WDFY4: variants seen among roughly 807,000 people sequenced by gnomAD.
WDFY4 encodes WDFY family member 4.
In WDFY4, 169 loss-of-function variants were observed where a neutral mutation model predicts 351.9. The observed-to-expected ratio is 0.48, with a 90% CI of 0.42 to 0.55. The LOEUF is 0.55. Among genes scored for constraint, WDFY4 ranks in the 20% least tolerant of loss-of-function variants. The pLI, the probability that WDFY4 is intolerant of heterozygous loss-of-function variation, is 0.00. For missense variants in WDFY4, 3,803 were observed against 3,935.6 expected (o/e 0.97, Z 0.90); for synonymous variants, 1,622 against 1,574.6 (o/e 1.03, Z -0.71).
At chr10:48,742,243 A>C (rs1421643752) in intron 11 of WDFY4, among the ~76,000 whole-genome samples, 2 of 152,190 alleles carry the variant, frequency 1.3e-5, no homozygotes, top group African/African-American at 4.8e-5. Context: ...CAGTGGCCTA[A>C]TTGCTTTCTG....
In WDFY4 at chr10:48,802,627, T is replaced by C. The variant is rs564525747; in HGVS notation, c.4411-659T>C. On this transcript the variant is annotated intron_variant, in intron 24 of 61. Transcript: ENST00000325239. ...ATCAATTCTGCCCCAGAAGGATCAC[T>C]AGCAGCTACATTTGTTTACTATGAA... 6.7e-4 allele frequency: 307 copies of C among 459,700 alleles called. 3 individuals carry two copies. The highest frequency in any genetic ancestry group is 4.7e-3 in the South Asian group (296 of 62,970). 28.5% of individuals were successfully genotyped at this position (459,700 alleles called of 1,614,324 possible). A position where few individuals can be genotyped will look rare whatever the true frequency, so the allele number is the denominator to read the frequency against.
At chr10:48,891,849 A>G (rs761746632) in intron 44 of WDFY4, among the ~76,000 whole-genome samples, 2 of 152,246 alleles carry the variant, frequency 1.3e-5, no homozygotes, top group Non-Finnish European at 2.9e-5. Context: ...CAGTTGTCCT[A>G]TCACTTCCAA....
At position 48,830,841 on chromosome 10, in the gene WDFY4, C is replaced by T. The variant is rs1408658365; in HGVS notation, c.6482C>T (p.Pro2161Leu). 1.1e-5 allele frequency: 17 copies of T among 1,551,572 alleles called. No homozygotes were observed. Among genetic ancestry groups the T allele is most frequent in the South Asian group, 8.3e-5 (7 of 84,054 alleles). Residue 2161 changes from proline (P) to leucine (L), a missense_variant, in exon 38 of 62, where the codon CCG becomes CTG. Physicochemically the swap from Pro to Leu is moderately conservative, Grantham distance 98. Around this residue, in one of 3 missense-constraint regions of WDFY4, gnomAD observed 3,054 missense variants for 3,148.6 expected, o/e 0.97. Transcript: ENST00000325239. ...GAAGTGAAGATTGAAGAGGTCACAC[C>T]GCTCTGGGAGGAGACGATGCTCAAG... The part of the protein sequence containing the change: ...EREVKIEEVT[P>L]LWEETMLKAW...
Position 48,776,746 on chromosome 10 carries a change from C to A in WDFY4, c.2864-4C>A. ...CACATCTCTTCTCTTGCTTGCTGCC[C>A]TAGGGTCACAGACTGCACAGGGCTT... On this transcript the variant is annotated splice_region_variant and splice_polypyrimidine_tract_variant and intron_variant, in intron 15 of 61. Coordinates refer to ENST00000325239, the MANE Select transcript of WDFY4 (RefSeq NM_001394531.1). The A allele has an allele frequency of 6.5e-7, 1 of 1,530,306 alleles. No homozygotes were observed. The highest frequency in any genetic ancestry group is 1.2e-5 in the South Asian group (1 of 82,082). 94.8% of individuals were successfully genotyped at this position (1,530,306 alleles called of 1,614,324 possible). A position where few individuals can be genotyped will look rare whatever the true frequency, so the allele number is the denominator to read the frequency against.
At chr10:48,831,095 AG>A (rs1767533984) in intron 38 of WDFY4, among the ~76,000 whole-genome samples, 1 of 152,230 alleles carries the variant, frequency 6.6e-6, no homozygotes, top group Non-Finnish European at 1.5e-5. Context: ...GCAAGGCCAC[AG>A]GAGCCAACCA....
chr10:48,740,751 C>T (rs187124251), intron 11 of WDFY4, among the ~76,000 whole-genome samples: 483 of 152,356 alleles, frequency 3.2e-3, no homozygotes, highest in African/African-American at 0.011. Flanking sequence ...GTCTTTCCCA[C>T]GATTCACACT....
At chr10:48,860,773 T>C (rs991195591) in intron 39 of WDFY4, among the ~76,000 whole-genome samples, 2 of 152,220 alleles carry the variant, frequency 1.3e-5, no homozygotes, top group African/African-American at 4.8e-5. Flanking sequence ...ATTTTGAGAC[T>C]TCTTTTTTGA....
At chr10:48,721,173 C>A in intron 3 of WDFY4, 88 bp from the exon 4 acceptor site, 1 of 1,276,922 alleles carries the variant, frequency 7.8e-7, no homozygotes, top group South Asian at 1.3e-5. Context: ...GATGCTCAGG[C>A]ACATCTCCTG....
At chr10:48,916,370 T>TTTTG (rs200916428) in intron 47 of WDFY4, among the ~76,000 whole-genome samples, 2,452 of 152,278 alleles carry the variant, frequency 0.016, 37 homozygotes, top group Non-Finnish European at 0.024. Context: ...GTGTTCTGTT[T>TTTTG]TTTGTTTGTT....
chr10:48,818,807 A>C (rs1442297228), intron 32 of WDFY4, among the ~76,000 whole-genome samples: 1 of 152,254 alleles, frequency 6.6e-6, no homozygotes, highest in African/African-American at 2.4e-5. Context: ...TAAAAAAGTA[A>C]GATAAAAAAG....
In WDFY4 at chr10:48,919,180, A is replaced by T. The variant is rs912133976; in HGVS notation, c.7586+17317A>T. On this transcript the variant is annotated intron_variant, in intron 47 of 61. Coordinates refer to ENST00000325239, the MANE Select transcript of WDFY4 (RefSeq NM_001394531.1). ...CAGATAGCCAGACTGACAATTTAAAAAAAAAAGAAAGAGAAGCCAAATTAC... is the reference window on the plus strand; with the variant it reads ...CAGATAGCCAGACTGACAATTTAAATAAAAAAGAAAGAGAAGCCAAATTAC... Among the ~76,000 whole-genome samples, 5 of 152,236 alleles carry T rather than the reference A, an allele frequency of 3.3e-5. No homozygotes were observed. In the East Asian group the frequency reaches 5.8e-4, roughly 18 times the overall value.
intron 39 of WDFY4, among the ~76,000 whole-genome samples, chr10:48,862,362 C>T (rs1030854268): frequency 6.6e-6 from 1 of 152,188 alleles, no homozygotes; most frequent in Non-Finnish European, 1.5e-5. Context: ...GGATCCCCAA[C>T]CCCCAGGCCA....
chr10:48,822,364 TC>T lies in WDFY4; in HGVS notation c.5825-12del. ...CCATTTAGACTCTCACCTCCACCTGTCCCCTCACTCCACAGACGGCAAAGAG... is the reference window on the plus strand; with the variant it reads ...CCATTTAGACTCTCACCTCCACCTGTCCCTCACTCCACAGACGGCAAAGAG... On this transcript the variant is annotated splice_polypyrimidine_tract_variant and intron_variant, in intron 34 of 61. Transcript: ENST00000325239. 6.5e-7 allele frequency: 1 copy of T among 1,526,802 alleles called. No individual in the cohort carries two copies. 94.6% of individuals were successfully genotyped at this position (1,526,802 alleles called of 1,614,324 possible).
intron 30 of WDFY4, among the ~76,000 whole-genome samples, chr10:48,813,236 C>T (rs1247588088): frequency 6.6e-6 from 1 of 152,172 alleles, no homozygotes; most frequent in African/African-American, 2.4e-5. Context: ...AAAAAATCTA[C>T]CCCTCTTGTA....
In WDFY4 at chr10:48,972,868, A is replaced by T. The variant is rs565955883; in HGVS notation, c.8929-1994A>T. ...CTTTTTGCTATCGTTTTTTGCTACTATAGTTAGGTATAAAATGATATAATG... is the reference window on the plus strand; with the variant it reads ...CTTTTTGCTATCGTTTTTTGCTACTTTAGTTAGGTATAAAATGATATAATG... On this transcript the variant is annotated intron_variant, in intron 57 of 61. Transcript: ENST00000325239. Among the ~76,000 whole-genome samples, 18 of 152,274 alleles carry T rather than the reference A, an allele frequency of 1.2e-4. No individual in the cohort carries two copies. In the South Asian group the frequency reaches 3.5e-3, roughly 30 times the overall value.
intron 47 of WDFY4, among the ~76,000 whole-genome samples, chr10:48,908,626 G>A (rs1199575738): frequency 7.3e-6 from 1 of 136,238 alleles, no homozygotes; most frequent in African/African-American, 3.4e-5. Context: ...TAGGCTGTAA[G>A]ATTTTTTTTT....
At chr10:48,777,033 T>C in intron 16 of WDFY4, 49 bp downstream of exon 16, 1 of 1,503,312 alleles carries the variant, frequency 6.7e-7, no homozygotes, top group Non-Finnish European at 9.0e-7. Flanking sequence ...AATTTTGCAG[T>C]GCCTCTGATG....
Position 48,946,149 on chromosome 10 carries a change from A to C in WDFY4, c.7859A>C (p.Lys2620Thr). The change falls in exon 50 of 62, where the codon AAA (lysine) becomes ACA (threonine). Residue 2620 changes from lysine (K) to threonine (T), a missense_variant. Physicochemically the swap from Lys to Thr is moderately conservative, Grantham distance 78 (BLOSUM62 -1). Around this residue, in one of 3 missense-constraint regions of WDFY4, gnomAD observed 3,054 missense variants for 3,148.6 expected, o/e 0.97. Transcript: ENST00000325239. ...KFIQRFKEVE[K>T]TEGDMTVQCH... ...ATCCAGAGGTTTAAAGAAGTTGAGA[A>C]AACTGAAGGTGAGTAGATCCAGCTT... 1 of 1,548,574 alleles carries C rather than the reference A, an allele frequency of 6.5e-7. No homozygotes were observed. The highest frequency in any genetic ancestry group is 8.7e-7 in the Non-Finnish European group (1 of 1,145,666).
chr10:48,777,051 A>G (rs1047849177), intron 16 of WDFY4, 67 bp downstream of exon 16: 1 of 1,467,444 alleles, frequency 6.8e-7, no homozygotes, highest in Admixed American at 2.2e-5. Context: ...ATGAATTATA[A>G]TATTGATTGC....
Sources: allele counts gnomAD v4.1 joint callset (sites outside exome capture counted in the v4.1 genomes callset), GRCh38; gene constraint gnomAD v4.1.1; regional missense constraint gnomAD v4.1.1; transcripts MANE v1.5; gene names NCBI Gene and HGNC (gene_info 2026-07-23, HGNC 2026-07-21).